Variants in NDUFAF2 observed in about 807,000 individuals in gnomAD.
NDUFAF2 encodes the protein NADH:ubiquinone oxidoreductase complex assembly factor 2, also known as NADH dehydrogenase [ubiquinone] 1 alpha subcomplex assembly factor 2.
NDUFAF2 carries 13 observed loss-of-function variants against 22.8 expected under a neutral mutation model. The observed-to-expected ratio is 0.57, with a 90% CI of 0.37 to 0.91. The LOEUF (loss-of-function observed/expected upper bound fraction) is 0.91, where lower values mean the gene tolerates loss of function less well. Among genes scored for constraint, NDUFAF2 ranks in the 40% least tolerant of loss-of-function variants. NDUFAF2 has a pLI of 0.01. For synonymous variants in NDUFAF2, 53 were observed against 64.2 expected, an observed-to-expected ratio of 0.83 and a Z score of 0.84; for missense variants, 162 against 195.2, an observed-to-expected ratio of 0.83 and a Z score of 1.01.
chr5:60,967,435 G>A lies in NDUFAF2; in HGVS notation c.127+22053G>A, dbSNP rs146459799. Among the ~76,000 whole-genome samples, 270 of 152,032 alleles carry A rather than the reference G, an allele frequency of 1.8e-3. 3 individuals are homozygous for A. The highest frequency in any genetic ancestry group is 6.3e-3 in the African/African-American group (263 of 41,502). ...TCTTGATTCGGATCTTAGAGGAAGA[G>A]CTTTCAACTTTTTACTGTTGAGTAT... On this transcript the variant is annotated intron_variant, in intron 1 of 3. Transcript: ENST00000296597.
At chr5:61,000,954 G>A (rs191658755) in intron 1 of NDUFAF2, among the ~76,000 whole-genome samples, 207 of 152,184 alleles carry the variant, frequency 1.4e-3, no homozygotes, top group African/African-American at 4.8e-3. Context: ...ATTGGAATGA[G>A]GCAGATACAC....
At chr5:61,137,262 C>G (rs1740974856) in intron 3 of NDUFAF2, among the ~76,000 whole-genome samples, 1 of 152,210 alleles carries the variant, frequency 6.6e-6, no homozygotes, top group African/African-American at 2.4e-5. Flanking sequence ...ACTGGCCTCT[C>G]TCTTGAGCTA....
chr5:61,143,956 AT>A lies in NDUFAF2; in HGVS notation c.259-8743del, dbSNP rs34809678. ...CAGAACATTAAAGATGAAATGGCAT[AT>A]TTTTGTGTGTGTGTGTGTGTGTGTG... is the stretch of plus-strand genomic sequence containing the variant. On this transcript the variant is annotated intron_variant, in intron 3 of 3. Transcript: ENST00000296597. Among the ~76,000 whole-genome samples, 49 of 75,656 alleles carry A rather than the reference AT, an allele frequency of 6.5e-4. No homozygotes were observed. The South Asian group carries it at 9.0e-3, about 14-fold the overall frequency. The allele number at this position is 75,656 out of a possible 152,430, so 49.6% of individuals were successfully genotyped here. A position where few individuals can be genotyped will look rare whatever the true frequency, so the allele number is the denominator to read the frequency against.
intron 1 of NDUFAF2, among the ~76,000 whole-genome samples, chr5:61,034,751 G>A (rs1751774348): frequency 6.6e-6 from 1 of 152,016 alleles, no homozygotes; most frequent in African/African-American, 2.4e-5. Context: ...ACAAAGCCAA[G>A]GACAGTTGCT....
intron 1 of NDUFAF2, among the ~76,000 whole-genome samples, chr5:61,020,875 T>C (rs1331201098): frequency 6.6e-6 from 1 of 152,048 alleles, no homozygotes; most frequent in African/African-American, 2.4e-5. Flanking sequence ...TTTGTATTTT[T>C]AGTAGAGATG....
At chr5:61,111,676 G>C (rs568463155) in intron 3 of NDUFAF2, among the ~76,000 whole-genome samples, 58 of 151,142 alleles carry the variant, frequency 3.8e-4, no homozygotes, top group Non-Finnish European at 7.8e-4. Flanking sequence ...TGGAGTGCAG[G>C]GGCATGATCT....
intron 1 of NDUFAF2, among the ~76,000 whole-genome samples, chr5:60,959,842 C>T (rs1561527538): frequency 6.6e-6 from 1 of 152,010 alleles, no homozygotes; most frequent in Non-Finnish European, 1.5e-5. Context: ...ATTTCAAATA[C>T]TTACTGAATT....
At chr5:60,987,353 A>C (rs970635802) in intron 1 of NDUFAF2, among the ~76,000 whole-genome samples, 8 of 152,216 alleles carry the variant, frequency 5.3e-5, no homozygotes, top group Non-Finnish European at 1.0e-4. Context: ...CCAGATGTAT[A>C]AAGAAGAGCT....
intron 1 of NDUFAF2, among the ~76,000 whole-genome samples, chr5:61,036,856 C>T (rs867262272): frequency 2.6e-5 from 4 of 152,188 alleles, no homozygotes; most frequent in Middle Eastern, 3.4e-3. Context: ...GTTGGTATTG[C>T]CTATTAGCTG....
chr5:60,945,559 AC>A (rs1214201550), intron 1 of NDUFAF2, 177 bp downstream of exon 1: 1 of 976,812 alleles, frequency 1.0e-6, no homozygotes, highest in African/African-American at 1.6e-5. Context: ...TCGGAGCCCT[AC>A]CCGGCCCGGC....
chr5:61,138,502 C>T (rs147753488), intron 3 of NDUFAF2, among the ~76,000 whole-genome samples: 1 of 152,178 alleles, frequency 6.6e-6, no homozygotes, highest in Non-Finnish European at 1.5e-5. Context: ...CTCCTCCCCC[C>T]CAGATCGTGC....
At chr5:61,099,326 A>C (rs1297032196) in intron 3 of NDUFAF2, among the ~76,000 whole-genome samples, 2 of 151,588 alleles carry the variant, frequency 1.3e-5, no homozygotes, top group Admixed American at 6.6e-5. Flanking sequence ...AACTTGGAGC[A>C]GTTTGCACCA....
At chr5:61,078,194 C>T (rs567252120) in intron 2 of NDUFAF2, among the ~76,000 whole-genome samples, 18 of 152,220 alleles carry the variant, frequency 1.2e-4, no homozygotes, top group South Asian at 6.2e-4. Context: ...CTGCATCCTC[C>T]GCCCTAAACT....
intron 2 of NDUFAF2, among the ~76,000 whole-genome samples, chr5:61,095,583 A>AC (rs1258544676): frequency 9.8e-5 from 5 of 51,232 alleles, no homozygotes; most frequent in Non-Finnish European, 2.3e-4. Flanking sequence ...TATTGCCAGG[A>AC]AGTGTGGAGC....
intron 3 of NDUFAF2, among the ~76,000 whole-genome samples, chr5:61,139,979 T>A (rs750216378): frequency 1.2e-4 from 18 of 152,242 alleles, no homozygotes; most frequent in Admixed American, 6.5e-5. Context: ...AGCTGTTTCA[T>A]CACTCAGGAA....
At chr5:61,130,564 G>A (rs1753096568) in intron 3 of NDUFAF2, among the ~76,000 whole-genome samples, 1 of 152,064 alleles carries the variant, frequency 6.6e-6, no homozygotes, top group African/African-American at 2.4e-5. Context: ...GACAAGTCTG[G>A]TTCAGCAATG....
intron 1 of NDUFAF2, among the ~76,000 whole-genome samples, chr5:61,057,162 A>G (rs1580116285): frequency 6.6e-6 from 1 of 151,890 alleles, no homozygotes; most frequent in South Asian, 2.1e-4. Flanking sequence ...CTTGTTGTTC[A>G]GACTTCTTTG....
chr5:60,986,740 C>G (rs908061258), intron 1 of NDUFAF2, among the ~76,000 whole-genome samples: 1 of 151,666 alleles, frequency 6.6e-6, no homozygotes, highest in African/African-American at 2.4e-5. Flanking sequence ...ACCAGCCTGG[C>G]CAACATAGTG....
chr5:61,037,879 G>T (rs1264695956), intron 1 of NDUFAF2, among the ~76,000 whole-genome samples: 1 of 151,768 alleles, frequency 6.6e-6, no homozygotes. Flanking sequence ...TAGTGCACAT[G>T]ATCATTTAAG....
Sources: allele counts gnomAD v4.1 joint callset (sites outside exome capture counted in the v4.1 genomes callset), GRCh38; gene constraint gnomAD v4.1.1; transcripts MANE v1.5; gene names NCBI Gene and HGNC (gene_info 2026-07-23, HGNC 2026-07-21).